Variants in IRF3 observed in about 807,000 individuals in gnomAD.
The protein encoded by IRF3 is interferon regulatory factor 3.
In IRF3, 29 loss-of-function variants were observed where a neutral mutation model predicts 43.2. That is an observed-to-expected ratio of 0.67 (90% confidence interval 0.50 to 0.91). The LOEUF is 0.91. Ranked by LOEUF, IRF3 falls within the 40% of genes least tolerant of loss-of-function variation. The pLI is 0.00. For synonymous variants in IRF3, 228 were observed against 233.9 expected, an observed-to-expected ratio of 0.97 and a Z score of 0.23; for missense variants, 505 against 559.1, an observed-to-expected ratio of 0.90 and a Z score of 0.98.
rs2081362496 is a variant in IRF3 at position 49,662,165 on chromosome 19, C to T, written c.765G>A (p.Arg255=). ...CATGCCTCACGTAGCTCATCACTCC[C>T]CTGTCTGTCAGGGACATGCCAGGGT... ...LPDPGMSLTD[R]GVMSYVRHVL... The change falls in exon 6 of 8, where the codon AGG becomes AGA. Residue 255 remains arginine (R), a synonymous_variant. Transcript: ENST00000377139. The T allele has an allele frequency of 6.2e-7, 1 of 1,614,172 alleles. No individual in the cohort carries two copies. The highest frequency in any genetic ancestry group is 1.3e-5 in the African/African-American group (1 of 75,072).
rs1160678054 is a variant in IRF3, at chr19:49,661,935, CT to C, written c.982+12del. The C allele has an allele frequency of 6.3e-7, 1 of 1,596,576 alleles. No homozygotes were observed. The highest frequency in any genetic ancestry group is 8.6e-7 in the Non-Finnish European group (1 of 1,169,144). ...CTTTGTACTGGCCAGGTCGAAGCCC[CT>C]GTCTCACTCACCTACAATGAAGGGC... On this transcript the variant is annotated intron_variant, in intron 6 of 7. Coordinates refer to ENST00000377139, the MANE Select transcript of IRF3 (RefSeq NM_001571.6).
Position 49,665,751 on chromosome 19 carries a change from G to A in IRF3, c.-129C>T, listed in dbSNP as rs1599894623. 2 of 1,528,318 alleles carry A rather than the reference G, an allele frequency of 1.3e-6. No individual in the cohort carries two copies. The highest frequency in any genetic ancestry group is 1.8e-6 in the Non-Finnish European group (2 of 1,133,590). The allele number at this position is 1,528,318 out of a possible 1,614,324, so 94.7% of individuals were successfully genotyped here. A position where few individuals can be genotyped will look rare whatever the true frequency, so the allele number is the denominator to read the frequency against. ...CCGTCAGCTGAGCTCTAGAGCGCTG[G>A]GGCTTTCTTTTTGATCGACTTCTTG... On this transcript the variant is annotated 5_prime_UTR_variant, in exon 1 of 8. Transcript: ENST00000377139.
intron 2 of IRF3, 186 bp from the exon 3 acceptor site, chr19:49,663,700 T>C: frequency 3.4e-6 from 2 of 594,302 alleles, no homozygotes; most frequent in Admixed American, 3.2e-5. Context: ...TTCAAAAGGC[T>C]TTTTTTCTTT....
chr19:49,664,614 G>A, intron 2 of IRF3, 60 bp downstream of exon 2: 3 of 1,611,198 alleles, frequency 1.9e-6, no homozygotes, highest in Non-Finnish European at 2.5e-6. Context: ...GGCCCACTAG[G>A]AGTCCTTTCC....
intron 6 of IRF3, 152 bp from the exon 7 acceptor site, chr19:49,660,980 T>G: frequency 1.2e-6 from 1 of 834,560 alleles, no homozygotes; most frequent in Non-Finnish European, 1.8e-6. Flanking sequence ...AGTCCCCTCC[T>G]TCCCTCCCTC....
intron 7 of IRF3, among the ~76,000 whole-genome samples, 179 bp from the exon 8 acceptor site, chr19:49,660,012 CACACACACACACACA>C (rs2081224705): frequency 8.1e-6 from 1 of 122,914 alleles, no homozygotes; most frequent in Non-Finnish European, 1.6e-5. Context: ...CACACACACA[CACACACACACACACA>C]CCCCCTGCTG....
rs1201097682 is a variant in IRF3 at position 49,664,782 on chromosome 19, C to A, written c.57G>T (p.Gly19=). The part of the protein sequence containing the change: ...LPWLVSQLDL[G]QLEGVAWVNK... ...TCACCCAGGCCACGCCCTCCAGTTG[C>A]CCCAGGTCCAGCTGCGACACCAGCC... The change falls in exon 2 of 8, where the codon GGG becomes GGT. Residue 19 remains glycine (G), a synonymous_variant. Coordinates refer to ENST00000377139, the MANE Select transcript of IRF3 (RefSeq NM_001571.6). 6.2e-7 allele frequency: 1 copy of A among 1,613,972 alleles called. No homozygotes were observed. Among genetic ancestry groups the A allele is most frequent in the Admixed American group, 1.7e-5 (1 of 60,028 alleles).
chr19:49,660,366 GCGCACGTGAGGGAT>G (rs2081266986), intron 7 of IRF3, among the ~76,000 whole-genome samples: 1 of 152,106 alleles, frequency 6.6e-6, no homozygotes. Context: ...CTATCGAACT[GCGCACGTGAGGGAT>G]CGGCTGCTCC....
Position 49,659,781 on chromosome 19 carries a change from G to A in IRF3, c.1151C>T (p.Ala384Val). ...ALVEMARVGG[A>V]SSLENTVDLH... Reference sequence around the variant, plus strand: ...GTCCACAGTATTCTCCAGGGAGGAGGCACCCCCTACCCGGGCCATTTCTAC... The same window carrying A: ...GTCCACAGTATTCTCCAGGGAGGAGACACCCCCTACCCGGGCCATTTCTAC... Residue 384 changes from alanine to valine, a missense_variant, in exon 8 of 8, where the codon GCC becomes GTC. By Grantham distance (64) the Ala-to-Val change is moderately conservative (BLOSUM62 0). Coordinates refer to ENST00000377139, the MANE Select transcript of IRF3 (RefSeq NM_001571.6). The A allele has an allele frequency of 1.2e-6, 2 of 1,612,028 alleles. No individual in the cohort carries two copies. The highest frequency in any genetic ancestry group is 3.3e-5 in the Admixed American group (2 of 59,818).
chr19:49,663,265 A>C lies in IRF3; in HGVS notation c.338-7T>G. ...TGGGAAAAGTCCCCAACTCCTGTTG[A>C]GAAAAGTGGTGAGGGGAGTAGGAGT... On this transcript the variant is annotated splice_region_variant and splice_polypyrimidine_tract_variant and intron_variant, in intron 3 of 7. Transcript: ENST00000377139. The C allele has an allele frequency of 1.2e-6, 2 of 1,614,100 alleles. No individual in the cohort carries two copies. Among genetic ancestry groups the C allele is most frequent in the South Asian group, 1.1e-5 (1 of 91,082 alleles).
chr19:49,665,054 G>A (rs2081604790), intron 1 of IRF3: 2 of 571,828 alleles, frequency 3.5e-6, no homozygotes, highest in African/African-American at 1.9e-5. Flanking sequence ...CCATATCCAT[G>A]GCACATCCTT....
At chr19:49,661,804 C>G (rs1217786094) in intron 6 of IRF3, 144 bp downstream of exon 6, 4 of 963,080 alleles carry the variant, frequency 4.2e-6, no homozygotes, top group Non-Finnish European at 6.2e-6. Flanking sequence ...TGGTCTCGAA[C>G]TCCTGAACTT....
At chr19:49,663,159 A>G in intron 4 of IRF3, 29 bp downstream of exon 4, 1 of 1,586,998 alleles carries the variant, frequency 6.3e-7, no homozygotes. Flanking sequence ...TCGGAGACTG[A>G]GGGGCATGAA....
chr19:49,663,774 C>A (rs2081475512), intron 2 of IRF3: 1 of 454,314 alleles, frequency 2.2e-6, no homozygotes, highest in Non-Finnish European at 4.0e-6. Flanking sequence ...CAGCTCACTG[C>A]AACTTCCGCC....
chr19:49,661,618 T>C (rs887226605), intron 6 of IRF3: 1 of 204,486 alleles, frequency 4.9e-6, no homozygotes, highest in Non-Finnish European at 9.8e-6. Flanking sequence ...TCTTACTCTG[T>C]CACCAGGCTA....
At chr19:49,664,383 A>G (rs2081529056) in intron 2 of IRF3, 1 of 1,255,150 alleles carries the variant, frequency 8.0e-7, no homozygotes, top group Non-Finnish European at 1.1e-6. Flanking sequence ...TCCTACAACC[A>G]AGAGCCCCGG....
Position 49,662,094 on chromosome 19 carries a change from T to G in IRF3, c.836A>C (p.Gln279Pro). The G allele has an allele frequency of 6.2e-7, 1 of 1,613,734 alleles. No homozygotes were observed. Among genetic ancestry groups the G allele is most frequent in the Non-Finnish European group, 8.5e-7 (1 of 1,179,768 alleles). Residue 279 changes from glutamine to proline, a missense_variant, in exon 6 of 8, where the codon CAG becomes CCG. Physicochemically the swap from Gln to Pro is moderately conservative, Grantham distance 76 (BLOSUM62 -1). Transcript: ENST00000377139. ...GGGLALWRAG[Q>P]WLWAQRLGHC... ...CCCCAGCCGCTGGGCCCAGAGCCACTGCCCGGCCCGCCAGAGAGCCAGTCC... is the reference window on the plus strand; with the variant it reads ...CCCCAGCCGCTGGGCCCAGAGCCACGGCCCGGCCCGCCAGAGAGCCAGTCC...
chr19:49,662,507 G>C lies in IRF3; in HGVS notation c.519C>G (p.Ser173Arg). Reference sequence around the variant, plus strand: ...AGGGAGTGGGATTGTCCAAGCTGGGGCTCCGCAGGGGCTGAGGGCAGGGCT... The same window carrying C: ...AGGGAGTGGGATTGTCCAAGCTGGGCCTCCGCAGGGGCTGAGGGCAGGGCT... ...APEPCPQPLR[S>R]PSLDNPTPFP... The change falls in exon 5 of 8, where the codon AGC (serine) becomes AGG (arginine). Residue 173 changes from serine (S) to arginine (R), a missense_variant. Coordinates refer to ENST00000377139, the MANE Select transcript of IRF3 (RefSeq NM_001571.6). 6.4e-7 allele frequency: 1 copy of C among 1,561,302 alleles called. No homozygotes were observed. The highest frequency in any genetic ancestry group is 8.6e-7 in the Non-Finnish European group (1 of 1,156,472).
At chr19:49,663,567 C>T in intron 2 of IRF3, 53 bp from the exon 3 acceptor site, 3 of 1,576,090 alleles carry the variant, frequency 1.9e-6, no homozygotes, top group Non-Finnish European at 2.6e-6. Flanking sequence ...AGATCCTGCT[C>T]CTGGGGCCCT....
Sources: allele counts gnomAD v4.1 joint callset (sites outside exome capture counted in the v4.1 genomes callset), GRCh38; gene constraint gnomAD v4.1.1; transcripts MANE v1.5; gene names NCBI Gene and HGNC (gene_info 2026-07-23, HGNC 2026-07-21).